RARB: variants seen among roughly 807,000 people sequenced by gnomAD.
RARB encodes the protein HBV-activated protein.
Under a neutral mutation model 51.9 loss-of-function variants are expected in RARB, and 17 were observed. The ratio of observed to expected loss-of-function variants is 0.33; its 90% confidence interval spans 0.22 to 0.49. RARB has a LOEUF of 0.49. Among genes scored for constraint, RARB ranks in the 20% least tolerant of loss-of-function variants. RARB has a pLI of 0.99. For missense variants in RARB, 369 were observed against 550.8 expected (o/e 0.67, Z 3.30); for synonymous variants, 215 against 195.4 (o/e 1.10, Z -0.84).
intron 3 of RARB, among the ~76,000 whole-genome samples, chr3:25,120,831 G>C (rs1212024769): frequency 6.6e-6 from 1 of 152,078 alleles, no homozygotes; most frequent in Non-Finnish European, 1.5e-5. Flanking sequence ...GCCGAATCTA[G>C]CTGGCTGCCA....
chr3:25,181,966 G>T lies in RARB; in HGVS notation c.178+7391G>T, dbSNP rs116775288. Among the ~76,000 whole-genome samples, 802 of 152,158 alleles carry T rather than the reference G, an allele frequency of 5.3e-3. 5 individuals are homozygous for T. The highest frequency in any genetic ancestry group is 0.018 in the African/African-American group (750 of 41,504). On this transcript the variant is annotated intron_variant, in intron 5 of 11. Coordinates refer to the RARB transcript ENST00000383772. ...GGCAAGCATCTTACCACTTCTTTAT[G>T]CCTGAGCAATTACACATTGAAATAA...
chr3:25,343,631 C>G (rs1575327304), intron 5 of RARB, among the ~76,000 whole-genome samples: 1 of 151,904 alleles, frequency 6.6e-6, no homozygotes, highest in South Asian at 2.1e-4. Flanking sequence ...TTAATTTGAG[C>G]AATATTGGAT....
intron 2 of RARB, among the ~76,000 whole-genome samples, chr3:25,486,398 T>C (rs1009052257): frequency 6.6e-6 from 1 of 152,206 alleles, no homozygotes; most frequent in African/African-American, 2.4e-5. Flanking sequence ...TAGAGCCCTT[T>C]GGACTTCTAC....
chr3:25,432,457 G>C (rs571035563), intron 1 of RARB, among the ~76,000 whole-genome samples: 1 of 152,268 alleles, frequency 6.6e-6, no homozygotes, highest in South Asian at 2.1e-4. Flanking sequence ...CATTGAAGCA[G>C]GTCTTTTTTC....
At chr3:25,152,175 T>C (rs760472668) in intron 4 of RARB, among the ~76,000 whole-genome samples, 1 of 152,238 alleles carries the variant, frequency 6.6e-6, no homozygotes, top group Non-Finnish European at 1.5e-5. Flanking sequence ...TTGAAGTTTA[T>C]AAAGTGAAAT....
At chr3:25,087,238 G>A (rs1699120825) in intron 3 of RARB, among the ~76,000 whole-genome samples, 2 of 152,074 alleles carry the variant, frequency 1.3e-5, no homozygotes, top group South Asian at 4.1e-4. Context: ...TCCTTTCATG[G>A]CCTGAGCTAG....
intron 5 of RARB, among the ~76,000 whole-genome samples, chr3:25,245,657 T>C (rs1702541328): frequency 6.6e-6 from 1 of 152,238 alleles, no homozygotes; most frequent in Non-Finnish European, 1.5e-5. Flanking sequence ...TTGTAGGGTT[T>C]CTGAAGAGAG....
chr3:25,038,599 A>G (rs138645046), intron 2 of RARB, among the ~76,000 whole-genome samples: 99 of 152,270 alleles, frequency 6.5e-4, no homozygotes, highest in African/African-American at 2.3e-3. Flanking sequence ...AAAATCACAT[A>G]AAAGTGCAAT....
rs1206184676 is a variant in RARB at position 25,172,750 on chromosome 3, ATATGT to A, written c.-279-1366_-279-1362del. Among the ~76,000 whole-genome samples, 3 of 152,204 alleles carry A rather than the reference ATATGT, an allele frequency of 2.0e-5. No individual in the cohort carries two copies. In the East Asian group the frequency reaches 5.8e-4, roughly 29 times the overall value. ...GCATATTATTTTGATGTGATAACAA[ATATGT>A]TAATGTTAATAGAAACTCTTACCAA... On this transcript the variant is annotated intron_variant, in intron 4 of 11. Transcript: ENST00000383772.
At chr3:25,186,176 T>C (rs1415327988) in intron 5 of RARB, among the ~76,000 whole-genome samples, 1 of 152,044 alleles carries the variant, frequency 6.6e-6, no homozygotes, top group African/African-American at 2.4e-5. Context: ...TTTATTTCAC[T>C]AAAAAGAAAT....
chr3:25,076,710 GT>G (rs1339890588), intron 3 of RARB, among the ~76,000 whole-genome samples: 1 of 151,974 alleles, frequency 6.6e-6, no homozygotes, highest in Non-Finnish European at 1.5e-5. Flanking sequence ...TTTTTGTTTT[GT>G]TAAAAAGCTT....
At chr3:25,230,736 C>A (rs1309476184) in intron 5 of RARB, among the ~76,000 whole-genome samples, 4 of 152,122 alleles carry the variant, frequency 2.6e-5, no homozygotes, top group African/African-American at 9.7e-5. Flanking sequence ...TGCTTCCAAA[C>A]TCCAGGGCCC....
chr3:25,410,267 T>G (rs1019234689), intron 5 of RARB, among the ~76,000 whole-genome samples: 1 of 152,196 alleles, frequency 6.6e-6, no homozygotes, highest in Non-Finnish European at 1.5e-5. Context: ...AAATTTCCAG[T>G]GCCTGGTGAA....
At chr3:25,506,958 C>A (rs1193486667) in intron 3 of RARB, among the ~76,000 whole-genome samples, 1 of 152,244 alleles carries the variant, frequency 6.6e-6, no homozygotes, top group African/African-American at 2.4e-5. Context: ...CCTTCTCCAT[C>A]AGTTGAACCC....
intron 5 of RARB, among the ~76,000 whole-genome samples, chr3:25,413,106 A>C (rs1055953899): frequency 6.6e-6 from 1 of 152,168 alleles, no homozygotes; most frequent in Non-Finnish European, 1.5e-5. Context: ...AATCCTGACT[A>C]AAACATAACC....
At chr3:25,031,917 T>C (rs925990966) in intron 2 of RARB, among the ~76,000 whole-genome samples, 10 of 152,032 alleles carry the variant, frequency 6.6e-5, no homozygotes, top group African/African-American at 2.4e-4. Context: ...TCAGGAAAAA[T>C]ACATTAAGAA....
intron 2 of RARB, among the ~76,000 whole-genome samples, chr3:24,979,811 T>A (rs1476765462): frequency 6.6e-6 from 1 of 152,160 alleles, no homozygotes; most frequent in African/African-American, 2.4e-5. Flanking sequence ...TTTGATCCTG[T>A]CATTACGATG....
chr3:25,184,679 C>A (rs1173426370), intron 5 of RARB, among the ~76,000 whole-genome samples: 1 of 151,988 alleles, frequency 6.6e-6, no homozygotes, highest in Non-Finnish European at 1.5e-5. Context: ...TGATGTTGTT[C>A]ATGATCAATT....
chr3:25,329,191 G>A (rs969443460), intron 5 of RARB, among the ~76,000 whole-genome samples: 16 of 152,170 alleles, frequency 1.1e-4, no homozygotes, highest in Admixed American at 3.9e-4. Flanking sequence ...CTCCCAGCAC[G>A]GAGTTTGAGA....
Sources: gnomAD v4.1 joint callset for allele counts (sites outside exome capture counted in the v4.1 genomes callset) on GRCh38, gnomAD v4.1.1 for gene constraint, MANE v1.5 for transcripts, NCBI Gene and HGNC (gene_info 2026-07-23, HGNC 2026-07-21) for gene names.